Variants in PKNOX1 observed in about 807,000 individuals in gnomAD.
PKNOX1 encodes the protein homeobox protein PKNOX1.
In PKNOX1, 15 loss-of-function variants were observed where a neutral mutation model predicts 51.9. That is an observed-to-expected ratio of 0.29 (90% CI 0.19 to 0.45). PKNOX1 has a LOEUF of 0.45. PKNOX1 is among the 20% of genes least tolerant of loss of function. The pLI, the probability that PKNOX1 is intolerant of heterozygous loss-of-function variation, is 1.00. For synonymous variants in PKNOX1, 219 were observed against 211.1 expected (o/e 1.04, Z -0.32); for missense variants, 462 against 547.5 (o/e 0.84, Z 1.56).
intron 1 of PKNOX1, among the ~76,000 whole-genome samples, chr21:42,978,191 G>A (rs1568884888): frequency 6.6e-6 from 1 of 152,016 alleles, no homozygotes; most frequent in Non-Finnish European, 1.5e-5. Flanking sequence ...TATTAGTAGA[G>A]GTAAGGTTTC....
intron 1 of PKNOX1, among the ~76,000 whole-genome samples, chr21:43,001,731 C>T (rs1462915669): frequency 6.6e-6 from 1 of 152,010 alleles, no homozygotes; most frequent in Admixed American, 6.6e-5. Flanking sequence ...GAGGCTGAGG[C>T]GGGCGGATCA....
rs1383127178 is a variant in PKNOX1, at chr21:43,024,524, T to C, written c.850-347T>C. ...TTATTGTTCATAAGTTAAAGTTCAA[T>C]AAAGTTGATAAAGAATCTATAGATT... On this transcript the variant is annotated intron_variant, in intron 8 of 10. Transcript: ENST00000291547. 4 of 203,666 alleles carry C rather than the reference T, an allele frequency of 2.0e-5. No homozygotes were observed. In the East Asian group the frequency reaches 3.5e-4, roughly 18 times the overall value. The allele number at this position is 203,666 out of a possible 1,614,324, so 12.6% of individuals were successfully genotyped here. A position where few individuals can be genotyped will look rare whatever the true frequency, so the allele number is the denominator to read the frequency against.
intron 7 of PKNOX1, among the ~76,000 whole-genome samples, chr21:43,019,144 G>C (rs1347185965): frequency 2.7e-5 from 4 of 150,066 alleles, no homozygotes; most frequent in African/African-American, 9.8e-5. Flanking sequence ...TGTGATCCCA[G>C]CACTTTGGGA....
rs148642401 is a variant in PKNOX1 at position 43,021,395 on chromosome 21, G to A, written c.813G>A (p.Thr271=). The A allele has an allele frequency of 2.4e-5, 39 of 1,612,986 alleles. No individual in the cohort carries two copies. The highest frequency in any genetic ancestry group is 4.5e-5 in the East Asian group (2 of 44,848). ...GGGGCGTCCTGCCAAAGCATGCCACGAACGTGATGCGGTCCTGGCTCTTCC... is the reference window on the plus strand; with the variant it reads ...GGGGCGTCCTGCCAAAGCATGCCACAAACGTGATGCGGTCCTGGCTCTTCC... ...NKRGVLPKHA[T]NVMRSWLFQH... Residue 271 remains threonine, a synonymous_variant, in exon 8 of 11, where the codon ACG becomes ACA. Coordinates refer to ENST00000291547, the MANE Select transcript of PKNOX1 (RefSeq NM_004571.5). The surrounding 1 kb of genome is among the most constrained non-coding windows in gnomAD (Gnocchi z 4.6).
At chr21:43,003,415 T>C (rs537047487) in intron 1 of PKNOX1, among the ~76,000 whole-genome samples, 1 of 152,304 alleles carries the variant, frequency 6.6e-6, no homozygotes, top group Non-Finnish European at 1.5e-5. Flanking sequence ...GCCTGTCTTA[T>C]GTGCGTGTGT....
intron 4 of PKNOX1, among the ~76,000 whole-genome samples, chr21:43,010,600 C>T (rs1979206490): frequency 6.6e-6 from 1 of 151,972 alleles, no homozygotes; most frequent in Admixed American, 6.6e-5. Flanking sequence ...ACCTGTAATC[C>T]CAGCACTTTG....
chr21:43,014,019 CTTT>C (rs149943829), intron 5 of PKNOX1, among the ~76,000 whole-genome samples: 1 of 120,422 alleles, frequency 8.3e-6, no homozygotes, highest in Non-Finnish European at 1.7e-5. Context: ...TGTCTTTTGC[CTTT>C]TTTTTTTTTT....
At chr21:43,001,472 C>A (rs1184920422) in intron 1 of PKNOX1, among the ~76,000 whole-genome samples, 1 of 152,170 alleles carries the variant, frequency 6.6e-6, no homozygotes, top group Non-Finnish European at 1.5e-5. Flanking sequence ...GGCTGGCACT[C>A]CCACATCCTT....
rs370845859 is a variant in PKNOX1 at position 43,012,845 on chromosome 21, C to T, written c.352-223C>T. ...CTGGGATGCACCGAGGTCACCACCA[C>T]GCGCCTTTGTCTTCCCTGCACACCA... On this transcript the variant is annotated intron_variant, in intron 4 of 10. Transcript: ENST00000291547. Among the ~76,000 whole-genome samples the T allele has an allele frequency of 6.6e-5, 10 of 152,308 alleles. No individual in the cohort carries two copies. The South Asian group carries it at 8.3e-4, about 13-fold the overall frequency.
chr21:42,980,020 G>C (rs759541183), intron 1 of PKNOX1, among the ~76,000 whole-genome samples: 5 of 152,192 alleles, frequency 3.3e-5, no homozygotes, highest in Admixed American at 6.5e-5. Context: ...AATGCATTTT[G>C]TTGGGATTCC....
chr21:43,007,862 G>C, intron 3 of PKNOX1: 1 of 373,270 alleles, frequency 2.7e-6, no homozygotes, highest in Non-Finnish European at 5.0e-6. Context: ...TTAAGAGTTT[G>C]AGACCAGCCT....
chr21:43,029,752 C>G (rs1293256313), intron 10 of PKNOX1, 138 bp from the exon 11 acceptor site: 2 of 767,792 alleles, frequency 2.6e-6, no homozygotes, highest in Non-Finnish European at 4.4e-6. Context: ...TCTTAAATCC[C>G]TGTTGAACAT....
chr21:43,008,061 T>TCTCTCACACACA (rs59792199), intron 3 of PKNOX1, among the ~76,000 whole-genome samples: 6,304 of 146,700 alleles, frequency 0.043, 193 homozygotes, highest in Non-Finnish European at 0.061. Flanking sequence ...CAAAACTCTG[T>TCTCTCACACACA]CACACACACA....
At position 43,009,585 on chromosome 21, in the gene PKNOX1, TG is replaced by T. The variant is rs569088792; in HGVS notation, c.180-465del. On this transcript the variant is annotated intron_variant, in intron 3 of 10. Transcript: ENST00000291547. Reference sequence around the variant, plus strand: ...GAGATCGTGCCGCTGCACTCCAGCCTGGGCGACAGAGTGAGACTCCATCTCA... The same window carrying T: ...GAGATCGTGCCGCTGCACTCCAGCCTGGCGACAGAGTGAGACTCCATCTCA... Among the ~76,000 whole-genome samples, 14 of 113,388 alleles carry T rather than the reference TG, an allele frequency of 1.2e-4. No homozygotes were observed. The South Asian group carries it at 3.9e-3, about 32-fold the overall frequency. The allele number at this position is 113,388 out of a possible 152,430, so 74.4% of individuals were successfully genotyped here. A position where few individuals can be genotyped will look rare whatever the true frequency, so the allele number is the denominator to read the frequency against.
Position 43,032,308 on chromosome 21 carries a change from T to G in PKNOX1, c.*2207T>G. 6.3e-6 allele frequency: 2 copies of G among 318,008 alleles called. No individual in the cohort carries two copies. The highest frequency in any genetic ancestry group is 2.7e-5 in the African/African-American group (1 of 37,484). The allele number at this position is 318,008 out of a possible 1,614,324, so 19.7% of individuals were successfully genotyped here. A position where few individuals can be genotyped will look rare whatever the true frequency, so the allele number is the denominator to read the frequency against. On this transcript the variant is annotated 3_prime_UTR_variant, in exon 11 of 11. Coordinates refer to ENST00000291547, the MANE Select transcript of PKNOX1 (RefSeq NM_004571.5). ...GCACCCATGAAAGCCAGCCAGCCCT[T>G]CCTCCTTCCCTCACCACCCTCCGTC...
At chr21:43,022,792 A>G (rs570756639) in intron 8 of PKNOX1, among the ~76,000 whole-genome samples, 1 of 152,312 alleles carries the variant, frequency 6.6e-6, no homozygotes, top group Non-Finnish European at 1.5e-5. Flanking sequence ...ATGGAGTATC[A>G]TATGCATAGT....
At chr21:42,975,099 C>CGG (rs2058986223) in intron 1 of PKNOX1, among the ~76,000 whole-genome samples, 1 of 139,370 alleles carries the variant, frequency 7.2e-6, no homozygotes, top group African/African-American at 2.6e-5. Context: ...GCGTGAGGGT[C>CGG]GGGGGCGCGC....
chr21:43,027,678 C>T (rs234726), intron 9 of PKNOX1, among the ~76,000 whole-genome samples: 6 of 151,718 alleles, frequency 4.0e-5, no homozygotes, highest in Admixed American at 3.9e-4. Context: ...CCAGCACTTT[C>T]GGAGACCAAG....
intron 8 of PKNOX1, chr21:43,024,531 G>C (rs775811566): frequency 4.7e-6 from 1 of 213,452 alleles, no homozygotes; most frequent in Non-Finnish European, 9.2e-6. Context: ...CAATAAAGTT[G>C]ATAAAGAATC....
Sources: gnomAD v4.1 joint callset for allele counts (sites outside exome capture counted in the v4.1 genomes callset) on GRCh38, gnomAD v4.1.1 for gene constraint, Gnocchi (gnomAD v3.1) non-coding constraint, MANE v1.5 for transcripts, NCBI Gene and HGNC (gene_info 2026-07-23, HGNC 2026-07-21) for gene names.